Variants in ZEB1 observed in about 807,000 individuals in gnomAD.
ZEB1 encodes zinc finger E-box-binding homeobox 1.
Under a neutral mutation model 84.9 loss-of-function variants are expected in ZEB1, and 21 were observed. The ratio of observed to expected loss-of-function variants is 0.25; its 90% CI spans 0.18 to 0.36. ZEB1 has a LOEUF of 0.36. Ranked by LOEUF, ZEB1 falls within the 10% of genes least tolerant of loss-of-function variation. The pLI is 1.00. For synonymous variants in ZEB1, 420 were observed against 471.1 expected (o/e 0.89, Z 1.41); for missense variants, 1,104 against 1,330.2 (o/e 0.83, Z 2.65).
intron 1 of ZEB1, chr10:31,321,190 T>G: frequency 2.8e-6 from 3 of 1,085,424 alleles, no homozygotes; most frequent in East Asian, 6.7e-5. Context: ...TTCCTGGCAA[T>G]TTTAGATTTT....
chr10:31,443,409 CTTCT>C (rs1252162954), intron 1 of ZEB1, among the ~76,000 whole-genome samples: 1 of 146,994 alleles, frequency 6.8e-6, no homozygotes, highest in Non-Finnish European at 1.5e-5. Flanking sequence ...CCTATATTTT[CTTCT>C]TTTTTTTTTT....
At chr10:31,506,988 C>T (rs1205213881) in intron 4 of ZEB1, among the ~76,000 whole-genome samples, 1 of 152,096 alleles carries the variant, frequency 6.6e-6, no homozygotes, top group Non-Finnish European at 1.5e-5. Flanking sequence ...ATGGATAAGA[C>T]TCCCTTAAAC....
At chr10:31,466,419 G>C (rs1331387344) in intron 2 of ZEB1, among the ~76,000 whole-genome samples, 1 of 152,128 alleles carries the variant, frequency 6.6e-6, no homozygotes, top group Non-Finnish European at 1.5e-5. Flanking sequence ...TATGTTTTCT[G>C]TCAACAGTGG....
At chr10:31,363,378 C>T in intron 1 of ZEB1, 1 of 1,534,490 alleles carries the variant, frequency 6.5e-7, no homozygotes, top group Non-Finnish European at 8.7e-7. Flanking sequence ...GCACCTGGGC[C>T]TTGTCAGTCT....
At chr10:31,472,231 T>C (rs1565010160) in intron 2 of ZEB1, among the ~76,000 whole-genome samples, 1 of 151,246 alleles carries the variant, frequency 6.6e-6, no homozygotes, top group African/African-American at 2.4e-5. Flanking sequence ...CTGAAGGAAA[T>C]AGAGACACAA....
Position 31,527,946 on chromosome 10 carries a change from TACTC to T in ZEB1, c.*685_*688del, listed in dbSNP as rs779902468. ...AGCTGATAGAAGAACTGAAGTTTCTTACTCACGTGGTTTAAAATGGAGTTCAAAA... is the reference window on the plus strand; with the variant it reads ...AGCTGATAGAAGAACTGAAGTTTCTTACGTGGTTTAAAATGGAGTTCAAAA... On this transcript the variant is annotated 3_prime_UTR_variant, in exon 9 of 9. Transcript: ENST00000424869. The T allele has an allele frequency of 1.5e-4, 23 of 152,512 alleles. No individual in the cohort carries two copies. The East Asian group carries it at 1.5e-3, about 10-fold the overall frequency. 9.4% of individuals were successfully genotyped at this position (152,512 alleles called of 1,614,324 possible).
chr10:31,368,078 C>A (rs1436062712), intron 1 of ZEB1, among the ~76,000 whole-genome samples: 3 of 151,956 alleles, frequency 2.0e-5, no homozygotes, highest in African/African-American at 4.8e-5. Context: ...GGTGCCAGGA[C>A]ACCCTCAGAT....
intron 1 of ZEB1, among the ~76,000 whole-genome samples, chr10:31,347,694 T>C (rs2040553966): frequency 6.6e-6 from 1 of 152,186 alleles, no homozygotes; most frequent in African/African-American, 2.4e-5. Context: ...CCCTTATTAT[T>C]GGACATTTTG....
Position 31,521,329 on chromosome 10 carries a change from C to A in ZEB1, c.1997C>A (p.Ala666Glu). 1 of 1,614,068 alleles carries A rather than the reference C, an allele frequency of 6.2e-7. No homozygotes were observed. Among genetic ancestry groups the A allele is most frequent in the East Asian group, 2.2e-5 (1 of 44,818 alleles). ...PAKNNDQPQS[A>E]NANEPQDSTV... ...AAGAACAATGATCAGCCTCAATCTGCAAATGCAAATGAACCCCAGGACAGC... is the reference window on the plus strand; with the variant it reads ...AAGAACAATGATCAGCCTCAATCTGAAAATGCAAATGAACCCCAGGACAGC... The change falls in exon 7 of 9, where the codon GCA becomes GAA. Residue 666 changes from alanine to glutamate, a missense_variant. Around this residue, in one of 7 missense-constraint regions of ZEB1, gnomAD observed 531 missense variants for 575.2 expected, o/e 0.92. Coordinates refer to ENST00000424869, the MANE Select transcript of ZEB1 (RefSeq NM_001174096.2).
chr10:31,320,039 T>C (rs1194021562), intron 1 of ZEB1: 1 of 150,984 alleles, frequency 6.6e-6, no homozygotes, highest in Non-Finnish European at 1.5e-5. Flanking sequence ...CGCGCTCGCG[T>C]AACGGGGATT....
At chr10:31,336,772 G>A (rs2038171506) in intron 1 of ZEB1, among the ~76,000 whole-genome samples, 1 of 152,038 alleles carries the variant, frequency 6.6e-6, no homozygotes, top group African/African-American at 2.4e-5. Flanking sequence ...TTAAAACCAC[G>A]TTAAGAAGGC....
intron 1 of ZEB1, among the ~76,000 whole-genome samples, chr10:31,366,565 G>A (rs2044540570): frequency 6.6e-6 from 1 of 152,182 alleles, no homozygotes; most frequent in Non-Finnish European, 1.5e-5. Flanking sequence ...TCTTCCTGAA[G>A]TACTAATTAG....
At chr10:31,352,132 CCTTT>C (rs1240469557) in intron 1 of ZEB1, among the ~76,000 whole-genome samples, 7 of 151,994 alleles carry the variant, frequency 4.6e-5, no homozygotes, top group Non-Finnish European at 4.4e-5. Context: ...TACCTATTTG[CCTTT>C]CTTTTTCAAA....
At chr10:31,450,397 C>G (rs1460565708) in intron 1 of ZEB1, among the ~76,000 whole-genome samples, 2 of 151,206 alleles carry the variant, frequency 1.3e-5, no homozygotes, top group Non-Finnish European at 2.9e-5. Flanking sequence ...TGATTTTTTT[C>G]TGTTGGAAAG....
intron 1 of ZEB1, among the ~76,000 whole-genome samples, chr10:31,365,711 A>G (rs976504701): frequency 8.5e-5 from 13 of 152,236 alleles, no homozygotes; most frequent in African/African-American, 3.1e-4. Flanking sequence ...TATGTGTAAT[A>G]TAATGAATTC....
chr10:31,428,658 T>C (rs189115722), intron 1 of ZEB1, among the ~76,000 whole-genome samples: 1 of 152,294 alleles, frequency 6.6e-6, no homozygotes, highest in Admixed American at 6.5e-5. Flanking sequence ...AGTAGAGTGT[T>C]AAGTTTCCCA....
chr10:31,473,591 T>C (rs1262427018), intron 2 of ZEB1, among the ~76,000 whole-genome samples: 1 of 150,322 alleles, frequency 6.7e-6, no homozygotes, highest in Non-Finnish European at 1.5e-5. Flanking sequence ...CATTCCATGC[T>C]CATGGCTAGG....
chr10:31,407,781 AAT>A (rs1369776716), intron 1 of ZEB1, among the ~76,000 whole-genome samples: 1 of 151,430 alleles, frequency 6.6e-6, no homozygotes, highest in Non-Finnish European at 1.5e-5. Flanking sequence ...ACCCACAGCC[AAT>A]ATCATACTGA....
At chr10:31,461,810 T>C (rs537039135) in intron 2 of ZEB1, among the ~76,000 whole-genome samples, 96 of 152,302 alleles carry the variant, frequency 6.3e-4, no homozygotes, top group African/African-American at 2.3e-3. Context: ...AGTTTAATCT[T>C]CTTCCTCATC....
Sources: gnomAD v4.1 joint callset for allele counts (sites outside exome capture counted in the v4.1 genomes callset) on GRCh38, gnomAD v4.1.1 for gene constraint, gnomAD v4.1.1 regional missense constraint, MANE v1.5 for transcripts, NCBI Gene and HGNC (gene_info 2026-07-23, HGNC 2026-07-21) for gene names.